Variants in NLGN4X observed in about 807,000 individuals in gnomAD.
The protein encoded by NLGN4X is neuroligin-4, X-linked.
Under a neutral mutation model 40.3 loss-of-function variants are expected in NLGN4X, and 3 were observed. That is an observed-to-expected ratio of 0.07 (90% CI 0.03 to 0.19). The LOEUF (loss-of-function observed/expected upper bound fraction) is 0.19. Among genes scored for constraint, NLGN4X ranks in the 10% least tolerant of loss-of-function variants. The probability of loss-of-function intolerance (pLI) is 1.00; values close to 1 mark genes in which losing one functional copy is unlikely to be tolerated. For missense variants in NLGN4X, 382 were observed against 708.3 expected, an observed-to-expected ratio of 0.54 and a Z score of 5.23; for synonymous variants, 270 against 306.8, an observed-to-expected ratio of 0.88 and a Z score of 1.25.
At chrX:6,050,582 C>CTTTCT (rs1018291084) in intron 2 of NLGN4X, among the ~76,000 whole-genome samples, 2 of 98,390 alleles carry the variant, frequency 2.0e-5, no homozygotes, top group African/African-American at 7.3e-5. Context: ...ATCTATCTGC[C>CTTTCT]TTTCTATCAT....
At chrX:6,016,691 A>C (rs1361932186) in intron 3 of NLGN4X, among the ~76,000 whole-genome samples, 1 of 111,949 alleles carries the variant, frequency 8.9e-6, no homozygotes, top group African/African-American at 3.3e-5. Context: ...ACAATTATTG[A>C]GAACAGCCAG....
At chrX:6,111,173 C>T (rs1410672631) in intron 2 of NLGN4X, among the ~76,000 whole-genome samples, 1 of 111,952 alleles carries the variant, frequency 8.9e-6, no homozygotes, top group East Asian at 2.8e-4. Context: ...CACTCAAGTG[C>T]AGAACACCCC....
At position 6,094,760 on chromosome X, in the gene NLGN4X, C is replaced by G. The variant is rs769820776; in HGVS notation, c.472+56235G>C. Among the ~76,000 whole-genome samples the G allele has an allele frequency of 3.7e-4, 41 of 111,295 alleles. 1 individual carries two copies. The highest frequency in any genetic ancestry group is 5.5e-4 in the Non-Finnish European group (29 of 53,111). ...TCTCAGAGGATCTGCTGCAGGTTAT[C>G]GAATAGCCTAAGCCATTTATCAGGT... On this transcript the variant is annotated intron_variant, in intron 2 of 5. Transcript: ENST00000381095.
At chrX:5,895,411 T>A (rs1423702111) in intron 5 of NLGN4X, among the ~76,000 whole-genome samples, 1 of 111,208 alleles carries the variant, frequency 9.0e-6, no homozygotes, top group Non-Finnish European at 1.9e-5. Context: ...CCTATAATAT[T>A]GCAAGGGAGG....
At position 5,975,504 on chromosome X, in the gene NLGN4X, T is replaced by C. The variant is rs1247947108; in HGVS notation, c.625+53776A>G. 2.8e-5 allele frequency among the ~76,000 whole-genome samples: 3 copies of C among 107,351 alleles called. No individual in the cohort carries two copies. The Admixed American group carries it at 3.1e-4, about 11-fold the overall frequency. The allele number at this position is 107,351 out of a possible 115,157, so 93.2% of individuals were successfully genotyped here. A position where few individuals can be genotyped will look rare whatever the true frequency, so the allele number is the denominator to read the frequency against. ...GGTGGGTGCCTGTAATCCCAGCTACTCAGGAGGCTGAGGCAGGAGAATTGC... is the reference window on the plus strand; with the variant it reads ...GGTGGGTGCCTGTAATCCCAGCTACCCAGGAGGCTGAGGCAGGAGAATTGC... On this transcript the variant is annotated intron_variant, in intron 3 of 5. Transcript: ENST00000381095.
intron 2 of NLGN4X, among the ~76,000 whole-genome samples, chrX:6,119,306 T>C (rs1491001530): frequency 8.9e-6 from 1 of 112,093 alleles, no homozygotes; most frequent in Non-Finnish European, 1.9e-5. Context: ...ATCTAGTCTT[T>C]AGTTGGATAA....
At chrX:6,182,873 C>T (rs998047779) in intron 1 of NLGN4X, among the ~76,000 whole-genome samples, 64 of 112,301 alleles carry the variant, frequency 5.7e-4, no homozygotes, top group Admixed American at 2.2e-3. Flanking sequence ...GCCTCCAGAA[C>T]CATGTTTACC....
intron 1 of NLGN4X, among the ~76,000 whole-genome samples, chrX:6,197,785 C>T (rs1191592613): frequency 2.8e-5 from 3 of 108,081 alleles, no homozygotes; most frequent in Non-Finnish European, 5.7e-5. Flanking sequence ...GTTATGGGGC[C>T]GGGCGTGGTG....
chrX:6,030,446 TAAAAG>T (rs1388936374), intron 2 of NLGN4X, among the ~76,000 whole-genome samples: 1 of 82,554 alleles, frequency 1.2e-5, no homozygotes, highest in East Asian at 6.2e-4. Flanking sequence ...TCTTTGTAAC[TAAAAG>T]AAAACTCAAG....
At chrX:6,144,792 A>G (rs2040014360) in intron 2 of NLGN4X, among the ~76,000 whole-genome samples, 1 of 111,479 alleles carries the variant, frequency 9.0e-6, no homozygotes, top group Non-Finnish European at 1.9e-5. Flanking sequence ...TAGCAAACCT[A>G]ATTCAATCGG....
intron 2 of NLGN4X, among the ~76,000 whole-genome samples, chrX:6,117,581 G>C (rs1160840134): frequency 1.8e-5 from 2 of 111,457 alleles, no homozygotes; most frequent in African/African-American, 6.5e-5. Context: ...TCCTGGTCCT[G>C]CCTTGTTCCT....
At chrX:5,978,840 A>G (rs1234030191) in intron 3 of NLGN4X, among the ~76,000 whole-genome samples, 1 of 111,725 alleles carries the variant, frequency 9.0e-6, no homozygotes, top group African/African-American at 3.3e-5. Context: ...GCGTGGTGGC[A>G]TGCACCTGTA....
chrX:6,080,010 T>C (rs2038306420), intron 2 of NLGN4X, among the ~76,000 whole-genome samples: 1 of 110,428 alleles, frequency 9.1e-6, no homozygotes, highest in Non-Finnish European at 1.9e-5. Context: ...CTACTCAAAG[T>C]TGGGTGAAGA....
In NLGN4X at chrX:5,891,364, GT is replaced by G. The variant is rs1419393627; in HGVS notation, c.*1452del. The G allele has an allele frequency of 1.9e-5, 4 of 216,050 alleles. No homozygotes were observed. Among genetic ancestry groups the G allele is most frequent in the African/African-American group, 3.0e-5 (1 of 32,956 alleles). The allele number at this position is 216,050 out of a possible 1,213,427, so 17.8% of individuals were successfully genotyped here. A position where few individuals can be genotyped will look rare whatever the true frequency, so the allele number is the denominator to read the frequency against. On this transcript the variant is annotated 3_prime_UTR_variant, in exon 6 of 6. Transcript: ENST00000381095. ...GACCGGATACACAAATCCACAAAAA[GT>G]GATGTTTTCAGACAATCATATGTTT...
At position 6,116,391 on chromosome X, in the gene NLGN4X, C is replaced by CTTTTTTTTTT. The variant is rs1157468420; in HGVS notation, c.472+34594_472+34603dup. Among the ~76,000 whole-genome samples, 67 of 22,290 alleles carry CTTTTTTTTTT rather than the reference C, an allele frequency of 3.0e-3. 15 individuals are homozygous for CTTTTTTTTTT. Among genetic ancestry groups the CTTTTTTTTTT allele is most frequent in the Non-Finnish European group, 3.7e-3 (50 of 13,404 alleles). 19.4% of individuals were successfully genotyped at this position (22,290 alleles called of 115,157 possible). ...ACAAGTAGGTATTGAACCTTTCTTT[C>CTTTTTTTTTT]TTTTTTTTTTTTTTTTTTTTTTTTT... On this transcript the variant is annotated intron_variant, in intron 2 of 5. Transcript: ENST00000381095.
intron 3 of NLGN4X, among the ~76,000 whole-genome samples, chrX:5,997,012 G>A (rs1336259058): frequency 1.8e-5 from 2 of 110,647 alleles, no homozygotes; most frequent in Non-Finnish European, 3.8e-5. Flanking sequence ...ACAAAAGCAC[G>A]AAAGAAAAAA....
chrX:6,129,425 G>T (rs1403379288), intron 2 of NLGN4X, among the ~76,000 whole-genome samples: 1 of 111,348 alleles, frequency 9.0e-6, no homozygotes, highest in Non-Finnish European at 1.9e-5. Context: ...GCACCCTTGA[G>T]GTGTGAGCTG....
chrX:6,210,979 C>A (rs770946946), intron 1 of NLGN4X, among the ~76,000 whole-genome samples: 1 of 112,011 alleles, frequency 8.9e-6, no homozygotes, highest in East Asian at 2.8e-4. Flanking sequence ...AACGTACAGA[C>A]ATATCTTTAA....
In NLGN4X at chrX:5,941,178, GGGGTGTGTGTGTGTGTGTGTGTGT is replaced by G. The variant is rs1410268365; in HGVS notation, c.626-31963_626-31940del. Among the ~76,000 whole-genome samples the G allele has an allele frequency of 1.7e-4, 9 of 51,995 alleles. 1 individual carries two copies. In the South Asian group the frequency reaches 4.8e-3, roughly 28 times the overall value. 45.2% of individuals were successfully genotyped at this position (51,995 alleles called of 115,157 possible). A position where few individuals can be genotyped will look rare whatever the true frequency, so the allele number is the denominator to read the frequency against. ...AACGTTGTTCTGGATCGTATGCTAG[GGGGTGTGTGTGTGTGTGTGTGTGT>G]GTGTGTGTGTGTGTGTGTGTGTGTG... On this transcript the variant is annotated intron_variant, in intron 3 of 5. Coordinates refer to ENST00000381095, the MANE Select transcript of NLGN4X (RefSeq NM_181332.3).
Sources: allele counts gnomAD v4.1 joint callset (sites outside exome capture counted in the v4.1 genomes callset), GRCh38; gene constraint gnomAD v4.1.1; transcripts MANE v1.5; gene names NCBI Gene and HGNC (gene_info 2026-07-23, HGNC 2026-07-21).